The following RPN2 variants were observed in gnomAD, a reference collection of about 807,000 sequenced individuals.
RPN2 encodes the protein dolichyl-diphosphooligosaccharide--protein glycosyltransferase subunit 2.
RPN2 carries 29 observed loss-of-function variants against 71.4 expected under a neutral mutation model. The ratio of observed to expected loss-of-function variants is 0.41; its 90% CI spans 0.30 to 0.55. The LOEUF is 0.55. RPN2 is among the 20% of genes least tolerant of loss of function. The probability of loss-of-function intolerance (pLI) is 0.35; values close to 1 mark genes in which losing one functional copy is unlikely to be tolerated. For missense variants in RPN2, 726 were observed against 774.1 expected (o/e 0.94, Z 0.74); for synonymous variants, 308 against 305.0 (o/e 1.01, Z -0.10).
At chr20:37,213,516 G>A (rs1004783456) in intron 8 of RPN2, among the ~76,000 whole-genome samples, 1 of 152,072 alleles carries the variant, frequency 6.6e-6, no homozygotes, top group African/African-American at 2.4e-5. Flanking sequence ...TTGAGCCTAC[G>A]AGTTTTGAGA....
intron 2 of RPN2, among the ~76,000 whole-genome samples, chr20:37,191,043 A>C (rs2067126514): frequency 6.6e-6 from 1 of 152,150 alleles, no homozygotes; most frequent in Non-Finnish European, 1.5e-5. Context: ...GCCTATTCTC[A>C]CAGATCGATA....
chr20:37,194,514 A>G (rs1051846199), intron 2 of RPN2, among the ~76,000 whole-genome samples: 9 of 152,230 alleles, frequency 5.9e-5, no homozygotes, highest in East Asian at 1.9e-4. Context: ...CACCCGCCTC[A>G]GCCTCCCAAA....
chr20:37,195,425 G>A (rs1424428614), intron 2 of RPN2, among the ~76,000 whole-genome samples: 1 of 152,208 alleles, frequency 6.6e-6, no homozygotes, highest in African/African-American at 2.4e-5. Context: ...AGGTTTTATA[G>A]CTCAGACACC....
In RPN2 at chr20:37,228,622, G is replaced by GT; in HGVS notation, c.1373dup (p.Tyr459ValfsTer4). 6.2e-7 allele frequency: 1 copy of GT among 1,614,220 alleles called. No individual in the cohort carries two copies. Among genetic ancestry groups the GT allele is most frequent in the Non-Finnish European group, 8.5e-7 (1 of 1,180,034 alleles). ...TGTTGCCGAGCCAGACAACAAGAACGTGTACAAGTTTGAACTGGATACCTC... is the reference window on the plus strand; with the variant it reads ...TGTTGCCGAGCCAGACAACAAGAACGTTGTACAAGTTTGAACTGGATACCTC... On this transcript the variant is annotated frameshift_variant, in exon 12 of 17. Transcript: ENST00000237530. LOFTEE classifies it high-confidence loss of function.
chr20:37,210,537 T>G (rs1443474828), intron 8 of RPN2, among the ~76,000 whole-genome samples: 1 of 151,218 alleles, frequency 6.6e-6, no homozygotes, highest in Non-Finnish European at 1.5e-5. Context: ...ACTTTTTTTT[T>G]TTTTTTTTTT....
rs1205685351 is a variant in RPN2, at chr20:37,184,422, A to G, written c.207+49A>G. 3.5e-6 allele frequency: 5 copies of G among 1,439,404 alleles called. No individual in the cohort carries two copies. In the Admixed American group the frequency reaches 5.1e-5, roughly 15 times the overall value. 89.2% of individuals were successfully genotyped at this position (1,439,404 alleles called of 1,614,324 possible). A position where few individuals can be genotyped will look rare whatever the true frequency, so the allele number is the denominator to read the frequency against. On this transcript the variant is annotated intron_variant, in intron 2 of 16. Transcript: ENST00000237530. ...GTCAGGGTGGTTCAGGAGAACCTTC[A>G]TCCCCTCACTATATTCCTTTGGGGT...
intron 13 of RPN2, among the ~76,000 whole-genome samples, chr20:37,231,118 A>G (rs2068231556): frequency 6.6e-6 from 1 of 152,034 alleles, no homozygotes; most frequent in Non-Finnish European, 1.5e-5. Context: ...CAAATGCACT[A>G]TTTCATTTGG....
chr20:37,198,313 G>A, intron 2 of RPN2, 84 bp from the exon 3 acceptor site: 1 of 1,610,556 alleles, frequency 6.2e-7, no homozygotes, highest in Non-Finnish European at 8.5e-7. Flanking sequence ...TATAATGGCT[G>A]AGAATGTTAT....
At chr20:37,229,620 TTC>T (rs1285669018) in intron 12 of RPN2, among the ~76,000 whole-genome samples, 2 of 152,296 alleles carry the variant, frequency 1.3e-5, no homozygotes, top group East Asian at 1.9e-4. Flanking sequence ...ACTCATTTCT[TTC>T]TCTCTTTTTC....
chr20:37,186,745 G>C (rs2067018187), intron 2 of RPN2, among the ~76,000 whole-genome samples: 1 of 152,108 alleles, frequency 6.6e-6, no homozygotes, highest in African/African-American at 2.4e-5. Flanking sequence ...TTTTTTGCTG[G>C]TATCTCTTAA....
intron 7 of RPN2, 147 bp from the exon 8 acceptor site, chr20:37,209,900 C>A: frequency 7.3e-7 from 1 of 1,374,004 alleles, no homozygotes; most frequent in Non-Finnish European, 9.9e-7. Context: ...TAGGATTAGG[C>A]AGCAGGCCCA....
At position 37,195,160 on chromosome 20, in the gene RPN2, A is replaced by G. The variant is rs930822115; in HGVS notation, c.208-3237A>G. Among the ~76,000 whole-genome samples, 5 of 152,166 alleles carry G rather than the reference A, an allele frequency of 3.3e-5. 1 individual carries two copies. Among genetic ancestry groups the G allele is most frequent in the Admixed American group, 1.3e-4 (2 of 15,276 alleles). ...AGATGAGTCTAGAACGTTGGAGGGC[A>G]GCTGGAGTCAGAGTTTCCAGTCCCC... On this transcript the variant is annotated intron_variant, in intron 2 of 16. Transcript: ENST00000237530.
intron 9 of RPN2, among the ~76,000 whole-genome samples, chr20:37,221,175 A>G (rs1307250049): frequency 6.6e-6 from 1 of 150,692 alleles, no homozygotes; most frequent in African/African-American, 2.4e-5. Context: ...ATTAGGAGAC[A>G]CTGAAGACTT....
intron 9 of RPN2, among the ~76,000 whole-genome samples, chr20:37,217,782 C>T (rs935534905): frequency 2.7e-5 from 4 of 150,536 alleles, no homozygotes; most frequent in African/African-American, 9.8e-5. Context: ...GGCTGGAGTG[C>T]AGTGGCACGA....
chr20:37,187,138 A>C (rs983505327), intron 2 of RPN2, among the ~76,000 whole-genome samples: 6 of 152,054 alleles, frequency 3.9e-5, no homozygotes, highest in Non-Finnish European at 7.4e-5. Context: ...ATCCAGTCTG[A>C]TAATTTCTAC....
rs963023318 is a variant in RPN2 at position 37,199,341 on chromosome 20, C to T, written c.479+116C>T. On this transcript the variant is annotated intron_variant, in intron 4 of 16. Transcript: ENST00000237530. ...GGGCAAGTACTTGCAGTAAATACTTCCGTGTGCCAGGTGCTCTGCAAGGCA... is the reference window on the plus strand; with the variant it reads ...GGGCAAGTACTTGCAGTAAATACTTTCGTGTGCCAGGTGCTCTGCAAGGCA... 3.8e-6 allele frequency: 5 copies of T among 1,314,588 alleles called. No individual in the cohort carries two copies. In the Admixed American group the frequency reaches 9.8e-5, roughly 26 times the overall value. 81.4% of individuals were successfully genotyped at this position (1,314,588 alleles called of 1,614,324 possible). A position where few individuals can be genotyped will look rare whatever the true frequency, so the allele number is the denominator to read the frequency against.
At position 37,203,934 on chromosome 20, in the gene RPN2, C is replaced by T. The variant is rs6032037; in HGVS notation, c.529C>T (p.Leu177=). 1 of 1,613,902 alleles carries T rather than the reference C, an allele frequency of 6.2e-7. No individual in the cohort carries two copies. Among genetic ancestry groups the T allele is most frequent in the Non-Finnish European group, 8.5e-7 (1 of 1,179,890 alleles). The change falls in exon 5 of 17, where the codon CTG becomes TTG. Residue 177 remains leucine (L), a synonymous_variant. Transcript: ENST00000237530. ...ATCCCACCTGTCCCAGCAGGCTGAC[C>T]TGAGGAGCATCGTGGAGGAGATTGA... is the stretch of plus-strand genomic sequence containing the variant. The part of the protein sequence containing the change: ...TASHLSQQAD[L]RSIVEEIEDL...
chr20:37,223,813 T>C (rs1392513002), intron 9 of RPN2, 65 bp from the exon 10 acceptor site: 2 of 1,327,560 alleles, frequency 1.5e-6, no homozygotes, highest in East Asian at 4.6e-5. Context: ...AAACTTTATA[T>C]CTGCATGTGA....
At chr20:37,194,522 A>T (rs890662351) in intron 2 of RPN2, among the ~76,000 whole-genome samples, 9 of 152,232 alleles carry the variant, frequency 5.9e-5, no homozygotes, top group Non-Finnish European at 1.3e-4. Context: ...TCAGCCTCCC[A>T]AAGTGCTGGG....
Sources: allele counts gnomAD v4.1 joint callset (sites outside exome capture counted in the v4.1 genomes callset), GRCh38; gene constraint gnomAD v4.1.1; transcripts MANE v1.5; gene names NCBI Gene and HGNC (gene_info 2026-07-23, HGNC 2026-07-21).